Variants in TXNDC11 observed in about 807,000 individuals in gnomAD.
TXNDC11 encodes thioredoxin domain containing 11.
A neutral mutation model predicts 78.0 loss-of-function variants in TXNDC11; 68 were observed. The ratio of observed to expected loss-of-function variants is 0.87; its 90% confidence interval spans 0.72 to 1.07. The LOEUF is 1.07. Ranked by LOEUF, TXNDC11 falls within the 50% of genes least tolerant of loss-of-function variation. The probability of loss-of-function intolerance (pLI) is 0.00; values close to 1 mark genes in which losing one functional copy is unlikely to be tolerated. For synonymous variants in TXNDC11, 571 were observed against 495.2 expected, an observed-to-expected ratio of 1.15 and a Z score of -2.03; for missense variants, 1,389 against 1,221.8, an observed-to-expected ratio of 1.14 and a Z score of -2.04.
chr16:11,700,553 T>G lies in TXNDC11; in HGVS notation c.805A>C (p.Thr269Pro), dbSNP rs199871394. Residue 269 changes from threonine (T) to proline (P), a missense_variant, in exon 6 of 12, where the codon ACA becomes CCA. Coordinates refer to ENST00000283033, the MANE Select transcript of TXNDC11 (RefSeq NM_015914.7). The part of the protein sequence containing the change: ...LHSLKKDYLG[T>P]VRFGVITNKH... ...TTTGTGATAACCCCAAATCGTACTG[T>G]TCCTAGGTAATCTGAAACAGAAAAT... 2.5e-6 allele frequency: 4 copies of G among 1,584,946 alleles called. No individual in the cohort carries two copies. The highest frequency in any genetic ancestry group is 3.5e-6 in the Non-Finnish European group (4 of 1,155,344).
chr16:11,712,607 T>G (rs2051394818), intron 5 of TXNDC11, among the ~76,000 whole-genome samples: 1 of 152,156 alleles, frequency 6.6e-6, no homozygotes, highest in African/African-American at 2.4e-5. Context: ...GATTCTAACC[T>G]CACGTGCTGA....
At chr16:11,714,720 G>C (rs946299693) in intron 5 of TXNDC11, among the ~76,000 whole-genome samples, 1 of 152,056 alleles carries the variant, frequency 6.6e-6, no homozygotes, top group Non-Finnish European at 1.5e-5. Context: ...CTTTTTATGC[G>C]TACCGACTCA....
chr16:11,737,695 C>G (rs946275399), intron 1 of TXNDC11, among the ~76,000 whole-genome samples: 1 of 151,204 alleles, frequency 6.6e-6, no homozygotes, highest in African/African-American at 2.4e-5. Flanking sequence ...AACCCCATCT[C>G]TACTGAAAAA....
intron 8 of TXNDC11, among the ~76,000 whole-genome samples, chr16:11,688,818 C>T (rs559892525): frequency 2.0e-5 from 3 of 152,282 alleles, no homozygotes; most frequent in South Asian, 2.1e-4. Context: ...TTAAGCTTAA[C>T]CACAAATGTG....
In TXNDC11 at chr16:11,726,550, A is replaced by G. The variant is rs79154010; in HGVS notation, c.699+4095T>C. 1.4e-3 allele frequency among the ~76,000 whole-genome samples: 203 copies of G among 146,438 alleles called. 4 individuals carry two copies. The highest frequency in any genetic ancestry group is 0.012 in the Admixed American group (170 of 14,384). On this transcript the variant is annotated intron_variant, in intron 4 of 11. Coordinates refer to ENST00000283033, the MANE Select transcript of TXNDC11 (RefSeq NM_015914.7). ...AGCCAAGATCACGCCGCTGCACTCC[A>G]GCCTGGACAACAGAGCGAGACTCCA... is the stretch of plus-strand genomic sequence containing the variant.
intron 11 of TXNDC11, among the ~76,000 whole-genome samples, chr16:11,683,728 C>CT (rs34801885): frequency 6.6e-6 from 1 of 151,002 alleles, no homozygotes; most frequent in Non-Finnish European, 1.5e-5. Context: ...CACTACAACC[C>CT]TTTTATGTCC....
At chr16:11,688,709 TA>T (rs1000622944) in intron 8 of TXNDC11, 11 of 297,998 alleles carry the variant, frequency 3.7e-5, no homozygotes, top group African/African-American at 2.1e-4. Context: ...ATTCTTTTTT[TA>T]AAAGGACTGG....
intron 5 of TXNDC11, among the ~76,000 whole-genome samples, chr16:11,704,814 T>C (rs534285272): frequency 6.6e-6 from 1 of 152,152 alleles, no homozygotes; most frequent in Admixed American, 6.5e-5. Context: ...CCAGACTGGA[T>C]CCTGAAACAA....
chr16:11,700,568 A>C lies in TXNDC11; in HGVS notation c.794-4T>G, dbSNP rs1280372534. On this transcript the variant is annotated splice_region_variant and splice_polypyrimidine_tract_variant and intron_variant, in intron 5 of 11. Transcript: ENST00000283033. Reference sequence around the variant, plus strand: ...AATCGTACTGTTCCTAGGTAATCTGAAACAGAAAATTTTCCTTTATTAAAG... The same window carrying C: ...AATCGTACTGTTCCTAGGTAATCTGCAACAGAAAATTTTCCTTTATTAAAG... 3 of 1,517,688 alleles carry C rather than the reference A, an allele frequency of 2.0e-6. No homozygotes were observed. The highest frequency in any genetic ancestry group is 1.4e-5 in the African/African-American group (1 of 72,574). 94.0% of individuals were successfully genotyped at this position (1,517,688 alleles called of 1,614,324 possible). A position where few individuals can be genotyped will look rare whatever the true frequency, so the allele number is the denominator to read the frequency against.
chr16:11,715,520 G>A (rs2051504115), intron 5 of TXNDC11, among the ~76,000 whole-genome samples: 1 of 151,376 alleles, frequency 6.6e-6, no homozygotes, highest in African/African-American at 2.4e-5. Flanking sequence ...ATGGTCTATT[G>A]AGCCTGAAGG....
intron 3 of TXNDC11, among the ~76,000 whole-genome samples, chr16:11,733,167 G>C (rs750654018): frequency 2.0e-5 from 3 of 152,126 alleles, no homozygotes; most frequent in African/African-American, 4.8e-5. Flanking sequence ...TGAGGCAGGA[G>C]AACGGCTTGA....
Position 11,687,915 on chromosome 16 carries a change from T to G in TXNDC11, c.2095A>C (p.Asn699His). The change falls in exon 10 of 12, where the codon AAT becomes CAT. Residue 699 changes from asparagine to histidine, a missense_variant. By Grantham distance (68) the Asn-to-His change is moderately conservative. Transcript: ENST00000283033. ...CGAGCTAGCTGGATGAAGATGTGAT[T>G]GAGGGATGGACAGAAGCCGCACCAC... ...APWCGFCPSL[N>H]HIFIQLARNL... 6.2e-7 allele frequency: 1 copy of G among 1,613,962 alleles called. No homozygotes were observed. Among genetic ancestry groups the G allele is most frequent in the Non-Finnish European group, 8.5e-7 (1 of 1,179,926 alleles).
intron 5 of TXNDC11, among the ~76,000 whole-genome samples, chr16:11,719,994 TG>T (rs1475733180): frequency 6.6e-6 from 1 of 151,768 alleles, no homozygotes; most frequent in Non-Finnish European, 1.5e-5. Context: ...GAGAAGCGAG[TG>T]GATACCAGTT....
chr16:11,736,550 G>C (rs2052226538), intron 1 of TXNDC11, among the ~76,000 whole-genome samples: 1 of 152,078 alleles, frequency 6.6e-6, no homozygotes, highest in South Asian at 2.1e-4. Context: ...CTGCAGCCTG[G>C]CTCTCCACAA....
chr16:11,698,039 TA>T, intron 7 of TXNDC11, 85 bp downstream of exon 7: 1 of 1,291,232 alleles, frequency 7.7e-7, no homozygotes, highest in Non-Finnish European at 1.1e-6. Flanking sequence ...GCTGCCAGAG[TA>T]AATGACTGAG....
intron 11 of TXNDC11, among the ~76,000 whole-genome samples, chr16:11,681,073 G>A (rs1227753685): frequency 1.3e-5 from 2 of 152,198 alleles, no homozygotes; most frequent in Non-Finnish European, 2.9e-5. Flanking sequence ...TTAGGAGCCT[G>A]AGGTGGGAGG....
intron 10 of TXNDC11, among the ~76,000 whole-genome samples, chr16:11,685,845 C>G (rs2050554553): frequency 6.6e-6 from 1 of 152,196 alleles, no homozygotes; most frequent in Non-Finnish European, 1.5e-5. Context: ...TCACTTGATT[C>G]TTACTTCAAA....
intron 4 of TXNDC11, among the ~76,000 whole-genome samples, chr16:11,729,481 G>C (rs973584566): frequency 6.6e-6 from 1 of 152,142 alleles, no homozygotes; most frequent in African/African-American, 2.4e-5. Flanking sequence ...CAACATGACT[G>C]AATAAAGCTA....
rs529620410 is a variant in TXNDC11 at position 11,703,985 on chromosome 16, G to A, written c.794-3421C>T. ...CACGCACCTGTAATTCCAGCTATCT[G>A]GGAGGCTGAGGCAGCAGAATTGCTT... On this transcript the variant is annotated intron_variant, in intron 5 of 11. Coordinates refer to ENST00000283033, the MANE Select transcript of TXNDC11 (RefSeq NM_015914.7). 3.7e-4 allele frequency among the ~76,000 whole-genome samples: 56 copies of A among 152,322 alleles called. 1 individual carries two copies. Among genetic ancestry groups the A allele is most frequent in the Non-Finnish European group, 7.2e-4 (49 of 68,026 alleles).
Sources: allele counts gnomAD v4.1 joint callset (sites outside exome capture counted in the v4.1 genomes callset), GRCh38; gene constraint gnomAD v4.1.1; transcripts MANE v1.5; gene names NCBI Gene and HGNC (gene_info 2026-07-23, HGNC 2026-07-21).